WWP2: variants seen among roughly 807,000 people sequenced by gnomAD.
The protein encoded by WWP2 is WW domain containing E3 ubiquitin protein ligase 2.
In WWP2, 57 loss-of-function variants were observed where a neutral mutation model predicts 121.0. That is an observed-to-expected ratio of 0.47 (90% confidence interval 0.38 to 0.59). The LOEUF (loss-of-function observed/expected upper bound fraction) is 0.59, where lower values mean the gene tolerates loss of function less well. WWP2 is among the 20% of genes least tolerant of loss of function. WWP2 has a pLI of 0.00. For missense variants in WWP2, 962 were observed against 1,158.9 expected (o/e 0.83, Z 2.47); for synonymous variants, 449 against 441.3 (o/e 1.02, Z -0.22).
intron 7 of WWP2, among the ~76,000 whole-genome samples, chr16:69,887,393 G>T (rs1336982887): frequency 6.6e-6 from 1 of 151,834 alleles, no homozygotes; most frequent in African/African-American, 2.4e-5. Flanking sequence ...GCTGCATTTA[G>T]CCCCAACACT....
chr16:69,843,932 A>C (rs527297990), intron 6 of WWP2, among the ~76,000 whole-genome samples: 49 of 152,294 alleles, frequency 3.2e-4, no homozygotes, highest in African/African-American at 1.1e-3. Context: ...AAAATGGAAT[A>C]TGATTTTAGC....
At chr16:69,768,875 T>C (rs1187003659) in intron 1 of WWP2, among the ~76,000 whole-genome samples, 3 of 152,206 alleles carry the variant, frequency 2.0e-5, no homozygotes, top group African/African-American at 7.2e-5. Context: ...TTGATTGTTT[T>C]TCAATATGGG....
chr16:69,802,318 A>C (rs1478755963), intron 4 of WWP2, among the ~76,000 whole-genome samples: 1 of 152,180 alleles, frequency 6.6e-6, no homozygotes, highest in Non-Finnish European at 1.5e-5. Context: ...TGTTAAGTAC[A>C]TTCACCTTGT....
chr16:69,805,150 G>A (rs766776147), intron 4 of WWP2, among the ~76,000 whole-genome samples: 7 of 151,408 alleles, frequency 4.6e-5, no homozygotes, highest in Non-Finnish European at 1.0e-4. Context: ...AGCGATTCTC[G>A]TGCCTCAGAC....
intron 8 of WWP2, among the ~76,000 whole-genome samples, chr16:69,891,081 G>A (rs928041840): frequency 1.1e-4 from 17 of 152,116 alleles, no homozygotes; most frequent in African/African-American, 3.6e-4. Context: ...CTCGGGGCCT[G>A]GAGATCGTCA....
At chr16:69,807,098 G>T (rs920785772) in intron 4 of WWP2, among the ~76,000 whole-genome samples, 8 of 150,564 alleles carry the variant, frequency 5.3e-5, no homozygotes, top group African/African-American at 1.7e-4. Flanking sequence ...GCATGATCTT[G>T]GCTCACTGCA....
At chr16:69,827,906 A>G (rs930622876) in intron 4 of WWP2, 2 of 455,858 alleles carry the variant, frequency 4.4e-6, no homozygotes, top group Non-Finnish European at 8.8e-6. Flanking sequence ...ACCTTTTAAA[A>G]AATTAAAATA....
At chr16:69,875,107 G>GTT (rs1316387221) in intron 7 of WWP2, among the ~76,000 whole-genome samples, 2 of 152,060 alleles carry the variant, frequency 1.3e-5, no homozygotes, top group Non-Finnish European at 2.9e-5. Context: ...GATATTATGG[G>GTT]TTTGTTTCCA....
chr16:69,927,794 CT>C (rs2058660179), intron 11 of WWP2, among the ~76,000 whole-genome samples: 1 of 152,160 alleles, frequency 6.6e-6, no homozygotes, highest in African/African-American at 2.4e-5. Flanking sequence ...TGGGCACCTC[CT>C]GTTCTTTCTT....
At chr16:69,857,737 C>T (rs1360551666) in intron 6 of WWP2, among the ~76,000 whole-genome samples, 1 of 147,282 alleles carries the variant, frequency 6.8e-6, no homozygotes, top group East Asian at 2.1e-4. Context: ...TCACAGCTCA[C>T]TGCAGCCTCG....
At chr16:69,834,793 G>A (rs2056847438) in intron 4 of WWP2, among the ~76,000 whole-genome samples, 1 of 151,778 alleles carries the variant, frequency 6.6e-6, no homozygotes, top group South Asian at 2.1e-4. Context: ...CTCTGAAAGT[G>A]CTGGGATTAC....
chr16:69,853,359 C>T (rs945949142), intron 6 of WWP2, among the ~76,000 whole-genome samples: 1 of 152,140 alleles, frequency 6.6e-6, no homozygotes, highest in Non-Finnish European at 1.5e-5. Flanking sequence ...CCCTTGCAAC[C>T]GCTTTATGTA....
rs2057960183 is a variant in WWP2, at chr16:69,888,188, A to G, written c.853A>G (p.Ser285Gly). 6.8e-6 allele frequency: 11 copies of G among 1,614,136 alleles called. No individual in the cohort carries two copies. Among genetic ancestry groups the G allele is most frequent in the Non-Finnish European group, 9.3e-6 (11 of 1,180,008 alleles). Reference protein sequence around the residue: ...PATPAEGEEPSTSGTQQLPAA... With the variant: ...PATPAEGEEPGTSGTQQLPAA... Reference sequence around the variant, plus strand: ...CACACCGGCTGAAGGAGAGGAACCCAGCACTTCGGGTACACAGCAGCTCCC... The same window carrying G: ...CACACCGGCTGAAGGAGAGGAACCCGGCACTTCGGGTACACAGCAGCTCCC... The change falls in exon 8 of 24, where the codon AGC becomes GGC. Residue 285 changes from serine (S) to glycine (G), a missense_variant. Physicochemically the swap from Ser to Gly is moderately conservative, Grantham distance 56. Around this residue, in one of 3 missense-constraint regions of WWP2, gnomAD observed 211 missense variants for 196.5 expected, o/e 1.07. Transcript: ENST00000359154.
rs2038673816 is a variant in WWP2, at chr16:69,763,994, C to T, written c.-16+1603C>T. 2.6e-5 allele frequency among the ~76,000 whole-genome samples: 4 copies of T among 152,280 alleles called. No homozygotes were observed. The South Asian group carries it at 8.3e-4, about 32-fold the overall frequency. On this transcript the variant is annotated intron_variant, in intron 1 of 23. Transcript: ENST00000359154. The stretch of plus-strand genomic sequence containing the variant: ...CTCTTTCACTTCATGATTACTTTCC[C>T]ATTTACAAAGAGCGTATACCAACAT...
intron 4 of WWP2, among the ~76,000 whole-genome samples, chr16:69,829,536 A>G (rs2056758845): frequency 2.0e-5 from 3 of 152,202 alleles, no homozygotes; most frequent in Admixed American, 1.3e-4. Context: ...ACCTTTGCAC[A>G]CAACATTTCC....
chr16:69,859,488 CGAG>C (rs1331366275), intron 6 of WWP2, among the ~76,000 whole-genome samples: 7 of 151,698 alleles, frequency 4.6e-5, no homozygotes, highest in Non-Finnish European at 1.0e-4. Flanking sequence ...CCAGGGAGGT[CGAG>C]GATGCAGTGA....
intron 6 of WWP2, among the ~76,000 whole-genome samples, chr16:69,849,641 AGACGTT>A (rs1033419486): frequency 6.6e-6 from 1 of 152,124 alleles, no homozygotes; most frequent in Non-Finnish European, 1.5e-5. Context: ...TCTCCAAGCC[AGACGTT>A]GAAAAGTAAT....
rs1362722032 is a variant in WWP2, at chr16:69,844,446, G to T, written c.575+2326G>T. Among the ~76,000 whole-genome samples, 3 of 152,130 alleles carry T rather than the reference G, an allele frequency of 2.0e-5. No homozygotes were observed. The East Asian group carries it at 5.8e-4, about 29-fold the overall frequency. ...ACATCTTAGTCTTTTAGCTGAGTTG[G>T]AAAGTTTGTCTCAAACACACCCATA... On this transcript the variant is annotated intron_variant, in intron 6 of 23. Coordinates refer to ENST00000359154, the MANE Select transcript of WWP2 (RefSeq NM_001270454.2).
In WWP2 at chr16:69,935,406, C is replaced by T. The variant is rs555942342; in HGVS notation, c.1843-447C>T. Among the ~76,000 whole-genome samples, 8 of 152,308 alleles carry T rather than the reference C, an allele frequency of 5.3e-5. No homozygotes were observed. The highest frequency in any genetic ancestry group is 3.9e-4 in the East Asian group (2 of 5,166). ...CCCTAGACTATTACTCACCATTGGCCGCCAGCTCTCGCTGTCGGCGGTGTC... is the reference window on the plus strand; with the variant it reads ...CCCTAGACTATTACTCACCATTGGCTGCCAGCTCTCGCTGTCGGCGGTGTC... On this transcript the variant is annotated intron_variant, in intron 17 of 23. Coordinates refer to ENST00000359154, the MANE Select transcript of WWP2 (RefSeq NM_001270454.2). The surrounding 1 kb of genome is among the most constrained non-coding windows in gnomAD (Gnocchi z 5.2).
Sources: gnomAD v4.1 joint callset for allele counts (sites outside exome capture counted in the v4.1 genomes callset) on GRCh38, gnomAD v4.1.1 for gene constraint, gnomAD v4.1.1 regional missense constraint, Gnocchi (gnomAD v3.1) non-coding constraint, MANE v1.5 for transcripts, NCBI Gene and HGNC (gene_info 2026-07-23, HGNC 2026-07-21) for gene names.